EXOC6B: variants seen among roughly 807,000 people sequenced by gnomAD.
EXOC6B encodes SEC15 homolog B.
A neutral mutation model predicts 113.5 loss-of-function variants in EXOC6B; 54 were observed. That is an observed-to-expected ratio of 0.48 (90% CI 0.38 to 0.60). EXOC6B has a LOEUF of 0.60. EXOC6B is among the 20% of genes least tolerant of loss of function. The pLI is 0.00. For missense variants in EXOC6B, 797 were observed against 977.5 expected, an observed-to-expected ratio of 0.82 and a Z score of 2.46; for synonymous variants, 357 against 339.0, an observed-to-expected ratio of 1.05 and a Z score of -0.58.
chr2:72,401,525 A>G (rs1360008884), intron 18 of EXOC6B, among the ~76,000 whole-genome samples: 1 of 3,606 alleles, frequency 2.8e-4, no homozygotes, highest in African/African-American at 2.8e-3. Context: ...ACATATATAC[A>G]TATATATATA....
At chr2:72,458,932 G>A (rs909062991) in intron 18 of EXOC6B, among the ~76,000 whole-genome samples, 2 of 152,052 alleles carry the variant, frequency 1.3e-5, no homozygotes, top group Non-Finnish European at 2.9e-5. Flanking sequence ...AACAATTCTT[G>A]AGGTGGAAAA....
chr2:72,648,081 A>G (rs1673872715), intron 6 of EXOC6B, among the ~76,000 whole-genome samples: 1 of 152,240 alleles, frequency 6.6e-6, no homozygotes, highest in Non-Finnish European at 1.5e-5. Context: ...ACACATTTAC[A>G]AGAAAAAAGC....
chr2:72,211,451 CCT>C (rs1680182736), intron 20 of EXOC6B, among the ~76,000 whole-genome samples: 1 of 152,122 alleles, frequency 6.6e-6, no homozygotes, highest in Non-Finnish European at 1.5e-5. Context: ...AAGGCTGGGC[CCT>C]GTTTTTTCTG....
chr2:72,664,509 G>T (rs1030895877), intron 6 of EXOC6B, among the ~76,000 whole-genome samples: 3 of 152,170 alleles, frequency 2.0e-5, no homozygotes, highest in Non-Finnish European at 2.9e-5. Flanking sequence ...ATTAACAGGG[G>T]GATCTCCCTG....
At chr2:72,451,004 T>C (rs1696877730) in intron 18 of EXOC6B, among the ~76,000 whole-genome samples, 1 of 152,162 alleles carries the variant, frequency 6.6e-6, no homozygotes, top group Non-Finnish European at 1.5e-5. Context: ...AAGATCACAA[T>C]TACTTGTACC....
chr2:72,496,379 A>G, intron 14 of EXOC6B, 75 bp downstream of exon 14: 1 of 836,260 alleles, frequency 1.2e-6, no homozygotes. Flanking sequence ...AATGCTTTCA[A>G]TCAAACTGAT....
chr2:72,825,149 CA>C lies in EXOC6B; in HGVS notation c.113+648del, dbSNP rs1012905623. 2.0e-5 allele frequency among the ~76,000 whole-genome samples: 3 copies of C among 149,656 alleles called. No homozygotes were observed. Among genetic ancestry groups the C allele is most frequent in the Admixed American group, 6.7e-5 (1 of 15,036 alleles). On this transcript the variant is annotated intron_variant, in intron 1 of 21. Coordinates refer to ENST00000272427, the MANE Select transcript of EXOC6B (RefSeq NM_015189.3). The surrounding 1 kb of genome is among the most constrained non-coding windows in gnomAD (Gnocchi z 4.4). ...TCCAAATAAAATGGAGATGTGCGTGCAAAAAAAAATGATAACTGGGGGGCGG... is the reference window on the plus strand; with the variant it reads ...TCCAAATAAAATGGAGATGTGCGTGCAAAAAAAATGATAACTGGGGGGCGG...
intron 20 of EXOC6B, among the ~76,000 whole-genome samples, chr2:72,326,183 C>T (rs549579062): frequency 1.4e-4 from 21 of 152,230 alleles, no homozygotes; most frequent in Admixed American, 3.3e-4. Context: ...TCAACCAGTA[C>T]CACTACAACA....
chr2:72,227,654 T>C (rs1308268733), intron 20 of EXOC6B, among the ~76,000 whole-genome samples: 1 of 152,182 alleles, frequency 6.6e-6, no homozygotes, highest in Non-Finnish European at 1.5e-5. Flanking sequence ...AGAATACACA[T>C]TCTTTCAAGG....
intron 18 of EXOC6B, among the ~76,000 whole-genome samples, chr2:72,452,377 A>G (rs184421832): frequency 6.6e-6 from 1 of 152,300 alleles, no homozygotes; most frequent in Admixed American, 6.5e-5. Context: ...ATAACATGTA[A>G]CATTAGTTCA....
Position 72,791,115 on chromosome 2 carries a change from G to T in EXOC6B, c.113+34683C>A, listed in dbSNP as rs1394411438. Among the ~76,000 whole-genome samples the T allele has an allele frequency of 2.0e-5, 3 of 152,134 alleles. No individual in the cohort carries two copies. The East Asian group carries it at 5.8e-4, about 29-fold the overall frequency. On this transcript the variant is annotated intron_variant, in intron 1 of 21. Coordinates refer to ENST00000272427, the MANE Select transcript of EXOC6B (RefSeq NM_015189.3). ...TTTCAATAACTGTCATCTGCTAATA[G>T]TTATCCTATTTTGAACGTTCACAAC... is the stretch of plus-strand genomic sequence containing the variant.
At chr2:72,358,008 T>C (rs939163572) in intron 19 of EXOC6B, among the ~76,000 whole-genome samples, 4 of 152,102 alleles carry the variant, frequency 2.6e-5, no homozygotes, top group Non-Finnish European at 5.9e-5. Context: ...CTGTATAAGG[T>C]TCAGTACTAT....
chr2:72,823,150 T>TAAAAAAAA (rs778304758), intron 1 of EXOC6B, among the ~76,000 whole-genome samples: 1 of 73,848 alleles, frequency 1.4e-5, no homozygotes. Context: ...TGTAATCTGC[T>TAAAAAAAA]AAAAAAAAAA....
At chr2:72,540,938 T>C (rs1702565983) in intron 8 of EXOC6B, among the ~76,000 whole-genome samples, 1 of 152,222 alleles carries the variant, frequency 6.6e-6, no homozygotes, top group South Asian at 2.1e-4. Flanking sequence ...TCTCCTTGGC[T>C]TCTTTTAATC....
chr2:72,473,429 T>C (rs1419585505), intron 17 of EXOC6B, among the ~76,000 whole-genome samples: 1 of 152,164 alleles, frequency 6.6e-6, no homozygotes, highest in South Asian at 2.1e-4. Context: ...CATTATATAA[T>C]GACCTTATTT....
intron 5 of EXOC6B, among the ~76,000 whole-genome samples, chr2:72,719,255 T>C (rs1252462563): frequency 1.3e-5 from 2 of 152,128 alleles, no homozygotes; most frequent in African/African-American, 4.8e-5. Context: ...AGAGATGCTG[T>C]TAGTGAAAGT....
Position 72,218,914 on chromosome 2 carries a change from C to T in EXOC6B, c.2197-34727G>A, listed in dbSNP as rs181879242. Reference sequence around the variant, plus strand: ...CTGCCCACCTTGGCCTCCCAAAGTGCTGGGATTACAGGCATGAGCCACCAC... The same window carrying T: ...CTGCCCACCTTGGCCTCCCAAAGTGTTGGGATTACAGGCATGAGCCACCAC... On this transcript the variant is annotated intron_variant, in intron 20 of 21. Coordinates refer to ENST00000272427, the MANE Select transcript of EXOC6B (RefSeq NM_015189.3). Among the ~76,000 whole-genome samples, 3 of 150,864 alleles carry T rather than the reference C, an allele frequency of 2.0e-5. No individual in the cohort carries two copies. The East Asian group carries it at 5.9e-4, about 30-fold the overall frequency.
At chr2:72,629,000 C>T (rs1349522979) in intron 6 of EXOC6B, among the ~76,000 whole-genome samples, 2 of 152,156 alleles carry the variant, frequency 1.3e-5, no homozygotes, top group African/African-American at 4.8e-5. Context: ...CAAAACAATA[C>T]AAGTCTAATC....
intron 20 of EXOC6B, among the ~76,000 whole-genome samples, chr2:72,284,457 G>C (rs145997250): frequency 2.0e-5 from 3 of 151,850 alleles, no homozygotes; most frequent in Non-Finnish European, 2.9e-5. Context: ...CAACACAGTA[G>C]GAAAAGTTTA....
Sources: gnomAD v4.1 joint callset for allele counts (sites outside exome capture counted in the v4.1 genomes callset) on GRCh38, gnomAD v4.1.1 for gene constraint, Gnocchi (gnomAD v3.1) non-coding constraint, MANE v1.5 for transcripts, NCBI Gene and HGNC (gene_info 2026-07-23, HGNC 2026-07-21) for gene names.